The following KLHL29 variants were observed in gnomAD, a reference collection of about 807,000 sequenced individuals.
KLHL29 encodes the protein kelch-like protein 29.
KLHL29 carries 21 observed loss-of-function variants against 80.4 expected under a neutral mutation model. That is an observed-to-expected ratio of 0.26 (90% CI 0.19 to 0.38). KLHL29 has a LOEUF of 0.38. Ranked by LOEUF, KLHL29 falls within the 10% of genes least tolerant of loss-of-function variation. The pLI is 1.00. For synonymous variants in KLHL29, 511 were observed against 526.8 expected, an observed-to-expected ratio of 0.97 and a Z score of 0.41; for missense variants, 867 against 1,223.9, an observed-to-expected ratio of 0.71 and a Z score of 4.35.
chr2:23,418,549 A>G (rs902888259), intron 1 of KLHL29, among the ~76,000 whole-genome samples: 44 of 152,276 alleles, frequency 2.9e-4, no homozygotes, highest in Non-Finnish European at 6.5e-4. Context: ...GCATTTGTTA[A>G]TGCTCACTTT....
At chr2:23,439,678 G>A (rs1359575546) in intron 1 of KLHL29, among the ~76,000 whole-genome samples, 10 of 151,918 alleles carry the variant, frequency 6.6e-5, no homozygotes, top group Admixed American at 6.6e-4. Flanking sequence ...CTGAGAGACA[G>A]TTTGTTATAA....
intron 2 of KLHL29, among the ~76,000 whole-genome samples, chr2:23,560,013 G>A (rs987239882): frequency 6.6e-6 from 1 of 152,208 alleles, no homozygotes; most frequent in Admixed American, 6.5e-5. Flanking sequence ...TCGCAAGTGA[G>A]GGAAGTTGAG....
At chr2:23,411,346 C>A (rs1432758225) in intron 1 of KLHL29, among the ~76,000 whole-genome samples, 1 of 143,456 alleles carries the variant, frequency 7.0e-6, no homozygotes, top group Admixed American at 7.0e-5. Context: ...AGTTCCCATG[C>A]CTGGAGTATA....
intron 13 of KLHL29, among the ~76,000 whole-genome samples, chr2:23,704,837 G>T (rs932430292): frequency 6.6e-6 from 1 of 152,234 alleles, no homozygotes; most frequent in Non-Finnish European, 1.5e-5. Context: ...AAGACATCTT[G>T]TGCCTATGTA....
intron 2 of KLHL29, among the ~76,000 whole-genome samples, chr2:23,510,218 G>A (rs994812403): frequency 1.3e-4 from 20 of 152,154 alleles, no homozygotes; most frequent in South Asian, 4.1e-4. Context: ...TAGTGGTTAT[G>A]GCAGGGGATG....
intron 2 of KLHL29, among the ~76,000 whole-genome samples, chr2:23,492,995 C>T (rs537298426): frequency 8.3e-4 from 126 of 152,326 alleles, no homozygotes; most frequent in African/African-American, 2.9e-3. Context: ...TTCATCTCTC[C>T]CTCATCTGCA....
At chr2:23,499,489 C>T (rs1355774331) in intron 2 of KLHL29, among the ~76,000 whole-genome samples, 2 of 152,134 alleles carry the variant, frequency 1.3e-5, no homozygotes, top group African/African-American at 2.4e-5. Flanking sequence ...AGTGGCTGGG[C>T]TTTAGGTGAC....
At chr2:23,549,322 A>G (rs1469082564) in intron 2 of KLHL29, among the ~76,000 whole-genome samples, 2 of 152,220 alleles carry the variant, frequency 1.3e-5, no homozygotes, top group Non-Finnish European at 2.9e-5. Context: ...TCTATGTTTC[A>G]ATTACTGCAC....
intron 3 of KLHL29, among the ~76,000 whole-genome samples, chr2:23,634,209 A>G (rs1158607361): frequency 6.6e-6 from 1 of 152,170 alleles, no homozygotes; most frequent in East Asian, 1.9e-4. Context: ...TCTGCACCAC[A>G]TGGTACAGAG....
rs1019815212 is a variant in KLHL29, at chr2:23,498,602, G to A, written c.-46+22935G>A. On this transcript the variant is annotated intron_variant, in intron 2 of 13. Transcript: ENST00000486442. Reference sequence around the variant, plus strand: ...CCCTGACCAACACCCAGCTTTCTCAGCGCCTTCGTTAGGACATTTAGGAAG... The same window carrying A: ...CCCTGACCAACACCCAGCTTTCTCAACGCCTTCGTTAGGACATTTAGGAAG... 3.3e-4 allele frequency among the ~76,000 whole-genome samples: 50 copies of A among 152,230 alleles called. 1 individual carries two copies. The highest frequency in any genetic ancestry group is 5.4e-4 in the Non-Finnish European group (37 of 68,042).
intron 1 of KLHL29, among the ~76,000 whole-genome samples, chr2:23,397,389 G>C (rs893258378): frequency 9.2e-5 from 14 of 152,222 alleles, no homozygotes; most frequent in African/African-American, 2.9e-4. Context: ...ACAATAATGC[G>C]TTTTTGTTAA....
At position 23,669,064 on chromosome 2, in the gene KLHL29, C is replaced by T. The variant is rs1216535660; in HGVS notation, c.941-15335C>T. The T allele has an allele frequency of 6.6e-6, 1 of 152,194 alleles. No homozygotes were observed. The highest frequency in any genetic ancestry group is 1.5e-5 in the Non-Finnish European group (1 of 68,118). 9.4% of individuals were successfully genotyped at this position (152,194 alleles called of 1,614,324 possible). A position where few individuals can be genotyped will look rare whatever the true frequency, so the allele number is the denominator to read the frequency against. On this transcript the variant is annotated intron_variant, in intron 5 of 13. Transcript: ENST00000486442. This position sits in a 1 kb window ranked among gnomAD's most constrained non-coding sequence, Gnocchi z 4.3. ...CCGGGGGCTGTGGAGTCTAGGAGGA[C>T]CTGGTCCTGTGTGACCACAGGGGAC...
At chr2:23,427,730 G>T (rs1663043050) in intron 1 of KLHL29, among the ~76,000 whole-genome samples, 1 of 152,124 alleles carries the variant, frequency 6.6e-6, no homozygotes, top group Non-Finnish European at 1.5e-5. Context: ...TCACCTACTG[G>T]GAAATATTTT....
intron 5 of KLHL29, among the ~76,000 whole-genome samples, chr2:23,661,569 A>G (rs1670409629): frequency 1.3e-5 from 2 of 152,198 alleles, no homozygotes; most frequent in Non-Finnish European, 2.9e-5. Context: ...TGGCAGAGGG[A>G]ACAAGAGTAT....
At chr2:23,659,767 G>A (rs1670352755) in intron 5 of KLHL29, among the ~76,000 whole-genome samples, 1 of 152,020 alleles carries the variant, frequency 6.6e-6, no homozygotes, top group African/African-American at 2.4e-5. Flanking sequence ...AGGGCCTCCT[G>A]CAGCCAGGCC....
chr2:23,690,742 C>T (rs907348523), intron 6 of KLHL29: 10 of 152,294 alleles, frequency 6.6e-5, no homozygotes, highest in Non-Finnish European at 1.5e-4. Context: ...ATCAGTGTCA[C>T]TCTTGCTTCA....
intron 1 of KLHL29, among the ~76,000 whole-genome samples, chr2:23,428,803 C>T (rs749764692): frequency 6.6e-6 from 1 of 152,200 alleles, no homozygotes; most frequent in Non-Finnish European, 1.5e-5. Context: ...GATTTGGGGC[C>T]GTTGGCTCCC....
At chr2:23,579,990 A>G (rs1036573597) in intron 3 of KLHL29, among the ~76,000 whole-genome samples, 2 of 152,226 alleles carry the variant, frequency 1.3e-5, no homozygotes, top group African/African-American at 4.8e-5. Context: ...TCCACTGGTA[A>G]GCTGCTTAAC....
intron 5 of KLHL29, among the ~76,000 whole-genome samples, chr2:23,657,670 C>T (rs1225733531): frequency 6.6e-6 from 1 of 152,140 alleles, no homozygotes; most frequent in African/African-American, 2.4e-5. Context: ...ATTCACTGGC[C>T]CTCTCTGGGA....
Sources: gnomAD v4.1 joint callset for allele counts (sites outside exome capture counted in the v4.1 genomes callset) on GRCh38, gnomAD v4.1.1 for gene constraint, Gnocchi (gnomAD v3.1) non-coding constraint, MANE v1.5 for transcripts, NCBI Gene and HGNC (gene_info 2026-07-23, HGNC 2026-07-21) for gene names.